The following PALLD variants were observed in gnomAD, a reference collection of about 807,000 sequenced individuals.
PALLD encodes the protein palladin.
In PALLD, 61 loss-of-function variants were observed where a neutral mutation model predicts 123.5. The observed-to-expected ratio is 0.49, with a 90% confidence interval of 0.40 to 0.61. The LOEUF (loss-of-function observed/expected upper bound fraction) is 0.61. PALLD is among the 20% of genes least tolerant of loss of function. PALLD has a pLI of 0.00. For missense variants in PALLD, 1,273 were observed against 1,377.0 expected (o/e 0.92, Z 1.20); for synonymous variants, 465 against 496.4 (o/e 0.94, Z 0.84).
rs754666331 is a variant in PALLD at position 168,691,336 on chromosome 4, A to G, written c.1501+44A>G. ...TTTTTTTTTTTGGTGGTGGGGGAGC[A>G]GATAATGTATCTTTTGGGTCTCAAT... On this transcript the variant is annotated intron_variant, in intron 8 of 21. Transcript: ENST00000505667. 1.5e-5 allele frequency: 23 copies of G among 1,525,870 alleles called. No individual in the cohort carries two copies. The African/African-American group carries it at 2.5e-4, about 16-fold the overall frequency. The allele number at this position is 1,525,870 out of a possible 1,614,324, so 94.5% of individuals were successfully genotyped here. A position where few individuals can be genotyped will look rare whatever the true frequency, so the allele number is the denominator to read the frequency against.
At chr4:168,564,871 T>G (rs956295362) in intron 2 of PALLD, among the ~76,000 whole-genome samples, 2 of 152,140 alleles carry the variant, frequency 1.3e-5, no homozygotes, top group Non-Finnish European at 2.9e-5. Flanking sequence ...GACCACATAC[T>G]TTCTTAAATT....
At chr4:168,517,363 TATCTA>T (rs1301089447) in intron 2 of PALLD, among the ~76,000 whole-genome samples, 2 of 152,214 alleles carry the variant, frequency 1.3e-5, no homozygotes, top group African/African-American at 4.8e-5. Flanking sequence ...CAATTACTCA[TATCTA>T]ATCATAAGAT....
At chr4:168,830,675 A>C (rs1744080009) in intron 10 of PALLD, among the ~76,000 whole-genome samples, 1 of 152,194 alleles carries the variant, frequency 6.6e-6, no homozygotes, top group Admixed American at 6.5e-5. Context: ...GGGACATTCA[A>C]TTTTGGTTTA....
At chr4:168,689,756 AT>A (rs1482066037) in intron 6 of PALLD, among the ~76,000 whole-genome samples, 1 of 152,136 alleles carries the variant, frequency 6.6e-6, no homozygotes, top group Non-Finnish European at 1.5e-5. Flanking sequence ...CCTAGATCCA[AT>A]ATTCTATAGT....
chr4:168,904,037 ACATC>A (rs1290729153), intron 15 of PALLD, 131 bp downstream of exon 15: 2 of 896,390 alleles, frequency 2.2e-6, no homozygotes, highest in Admixed American at 3.9e-5. Flanking sequence ...TCCAAATTCT[ACATC>A]CATCTTGGTT....
At chr4:168,677,423 G>A (rs909129003) in intron 3 of PALLD, among the ~76,000 whole-genome samples, 14 of 152,188 alleles carry the variant, frequency 9.2e-5, no homozygotes, top group African/African-American at 3.4e-4. Context: ...GGGGGCCCCA[G>A]CCTTTTTGGC....
chr4:168,561,179 A>G (rs755416188), intron 2 of PALLD, among the ~76,000 whole-genome samples: 37 of 152,016 alleles, frequency 2.4e-4, no homozygotes, highest in Non-Finnish European at 4.9e-4. Context: ...AATCACCACC[A>G]AGACCCCTTC....
At chr4:168,529,386 C>T (rs1374140633) in intron 2 of PALLD, among the ~76,000 whole-genome samples, 1 of 152,054 alleles carries the variant, frequency 6.6e-6, no homozygotes, top group Non-Finnish European at 1.5e-5. Flanking sequence ...GACTCCCTCC[C>T]TCAGTCATGT....
rs7676397 is a variant in PALLD, at chr4:168,524,692, C to T, written c.908+12280C>T. On this transcript the variant is annotated intron_variant, in intron 2 of 21. Coordinates refer to ENST00000505667, the MANE Select transcript of PALLD (RefSeq NM_001166108.2). ...TCCTCCTGACCATCAGAAACACCAC[C>T]ACAGATAGTGAGCAGTTCTCTAAAA... Among the ~76,000 whole-genome samples, 1,452 of 152,256 alleles carry T rather than the reference C, an allele frequency of 9.5e-3. 27 individuals are homozygous for T. Among genetic ancestry groups the T allele is most frequent in the African/African-American group, 0.033 (1,355 of 41,546 alleles).
intron 10 of PALLD, among the ~76,000 whole-genome samples, chr4:168,803,986 T>C (rs1739760476): frequency 6.6e-6 from 1 of 152,214 alleles, no homozygotes; most frequent in Admixed American, 6.5e-5. Flanking sequence ...GCTGGTGGTA[T>C]GCTGTCATCC....
chr4:168,772,941 T>G (rs764141878), intron 10 of PALLD, among the ~76,000 whole-genome samples: 1 of 152,014 alleles, frequency 6.6e-6, no homozygotes, highest in Non-Finnish European at 1.5e-5. Flanking sequence ...TCATGCTTGC[T>G]CTCTTGGGCA....
At chr4:168,590,109 G>C (rs926536642) in intron 2 of PALLD, among the ~76,000 whole-genome samples, 2 of 152,192 alleles carry the variant, frequency 1.3e-5, no homozygotes, top group Non-Finnish European at 2.9e-5. Flanking sequence ...AGGCCAAGGC[G>C]GGGGGATCAC....
intron 2 of PALLD, among the ~76,000 whole-genome samples, chr4:168,532,331 G>A (rs554931523): frequency 6.6e-6 from 1 of 152,252 alleles, no homozygotes; most frequent in South Asian, 2.1e-4. Flanking sequence ...AGGAAACATA[G>A]CACATTACTT....
intron 10 of PALLD, among the ~76,000 whole-genome samples, chr4:168,761,645 G>GTTTTTTTTTTTTTTGTTTGTTTTTTT (rs1732879211): frequency 1.1e-5 from 1 of 88,024 alleles, no homozygotes; most frequent in African/African-American, 4.1e-5. Flanking sequence ...GTTGTTGTTT[G>GTTTTTTTTTTTTTTGTTTGTTTTTTT]TTTTTTTTTT....
At chr4:168,709,315 GC>G (rs1784502224) in intron 9 of PALLD, among the ~76,000 whole-genome samples, 168 bp downstream of exon 9, 1 of 151,222 alleles carries the variant, frequency 6.6e-6, no homozygotes, top group Non-Finnish European at 1.5e-5. Context: ...TTCGAGACCA[GC>G]CTGGTTAACA....
At chr4:168,600,101 GCACACATATATATACATACATGTGTATA>G (rs1397237326) in intron 2 of PALLD, among the ~76,000 whole-genome samples, 3 of 116,842 alleles carry the variant, frequency 2.6e-5, no homozygotes, top group Non-Finnish European at 4.0e-5. Context: ...GCATGTGTAT[GCACACATATATATACATACATGTGTATA>G]CACACATATA....
intron 10 of PALLD, among the ~76,000 whole-genome samples, chr4:168,790,158 CT>C (rs1181288734): frequency 0.01 from 1,395 of 133,498 alleles, 16 homozygotes; most frequent in African/African-American, 0.033. Context: ...TTTGTGGTTT[CT>C]TTTTTTTTTT....
chr4:168,533,193 T>G (rs968590083), intron 2 of PALLD, among the ~76,000 whole-genome samples: 4 of 152,206 alleles, frequency 2.6e-5, no homozygotes. Context: ...GTTTTAATTT[T>G]TAAGATCATC....
At chr4:168,788,258 T>C (rs542426473) in intron 10 of PALLD, among the ~76,000 whole-genome samples, 89 of 151,954 alleles carry the variant, frequency 5.9e-4, no homozygotes, top group Non-Finnish European at 1.0e-3. Context: ...TAGAAAAATG[T>C]GTAGAAAAGG....
Sources: gnomAD v4.1 joint callset for allele counts (sites outside exome capture counted in the v4.1 genomes callset) on GRCh38, gnomAD v4.1.1 for gene constraint, MANE v1.5 for transcripts, NCBI Gene and HGNC (gene_info 2026-07-23, HGNC 2026-07-21) for gene names.